CTXND1: variants seen among roughly 807,000 people sequenced by gnomAD.
CTXND1 encodes cortexin domain containing 1.
At position 80,198,812 on chromosome 15, in the gene CTXND1, A is replaced by G. The variant is rs2041433983; in HGVS notation, c.*2958T>C. On this transcript the variant is annotated 3_prime_UTR_variant, in exon 3 of 3. Transcript: ENST00000560778. ...CAGGGAAAATGGAAGAAATCCAAAT[A>G]TTTAATAATAGGAGTCTACATAATT... 6.6e-6 allele frequency: 1 copy of G among 152,242 alleles called. No individual in the cohort carries two copies. Among genetic ancestry groups the G allele is most frequent in the African/African-American group, 2.4e-5 (1 of 41,458 alleles). 9.4% of individuals were successfully genotyped at this position (152,242 alleles called of 1,614,324 possible).
intron 1 of CTXND1, among the ~76,000 whole-genome samples, chr15:80,214,049 T>C (rs1893228124): frequency 6.6e-6 from 1 of 152,016 alleles, no homozygotes; most frequent in African/African-American, 2.4e-5. Flanking sequence ...TAAAACAATA[T>C]AAACATTAAA....
chr15:80,205,801 C>T (rs58068642), intron 1 of CTXND1, among the ~76,000 whole-genome samples: 51,151 of 152,020 alleles, frequency 0.34, 8,926 homozygotes, highest in African/African-American at 0.44. Flanking sequence ...CTCTCATTCT[C>T]CCAGTTGACA....
chr15:80,247,381 T>C (rs559646794), intron 1 of CTXND1, among the ~76,000 whole-genome samples: 1 of 152,192 alleles, frequency 6.6e-6, no homozygotes, highest in Admixed American at 6.5e-5. Flanking sequence ...GTGTGAATAG[T>C]CAAAGGGTTA....
chr15:80,231,403 A>C (rs1035959873), intron 1 of CTXND1, among the ~76,000 whole-genome samples: 1 of 150,580 alleles, frequency 6.6e-6, no homozygotes, highest in African/African-American at 2.5e-5. Flanking sequence ...AAAAAAGAAA[A>C]GAAAAAAAAA....
intron 1 of CTXND1, among the ~76,000 whole-genome samples, chr15:80,213,410 G>A (rs1893221116): frequency 6.6e-6 from 1 of 152,132 alleles, no homozygotes; most frequent in African/African-American, 2.4e-5. Flanking sequence ...AAAGGACCGT[G>A]CAGATGTGAT....
chr15:80,217,239 A>G (rs1449546574), intron 1 of CTXND1, among the ~76,000 whole-genome samples: 1 of 152,158 alleles, frequency 6.6e-6, no homozygotes, highest in Non-Finnish European at 1.5e-5. Context: ...ATGTCTAGGA[A>G]ACTGACAAAA....
rs138333953 is a variant in CTXND1 at position 80,214,341 on chromosome 15, A to G, written c.-217-10601T>C. Reference sequence around the variant, plus strand: ...ATAATACAATTAATTAGCTGAATAAATGTTTTTATTACTGGGAGGGAATAG... The same window carrying G: ...ATAATACAATTAATTAGCTGAATAAGTGTTTTTATTACTGGGAGGGAATAG... On this transcript the variant is annotated intron_variant, in intron 1 of 2. Coordinates refer to ENST00000560778, the MANE Select transcript of CTXND1 (RefSeq NM_001352888.2). Among the ~76,000 whole-genome samples the G allele has an allele frequency of 5.0e-3, 763 of 152,320 alleles. 8 individuals are homozygous for G. The highest frequency in any genetic ancestry group is 0.018 in the African/African-American group (731 of 41,584).
Position 80,244,937 on chromosome 15 carries a change from C to G in CTXND1, c.-218+7070G>C, listed in dbSNP as rs567931857. The stretch of plus-strand genomic sequence containing the variant: ...TTGAGAGTTGGGCCTGGAGCTAGTC[C>G]TTGGGTTTTGAATCTCAGCCCAAAT... On this transcript the variant is annotated intron_variant, in intron 1 of 2. Transcript: ENST00000560778. Among the ~76,000 whole-genome samples, 4 of 152,266 alleles carry G rather than the reference C, an allele frequency of 2.6e-5. No homozygotes were observed. The East Asian group carries it at 7.7e-4, about 29-fold the overall frequency.
intron 1 of CTXND1, among the ~76,000 whole-genome samples, chr15:80,206,891 C>T (rs1442543180): frequency 6.6e-6 from 1 of 152,208 alleles, no homozygotes; most frequent in African/African-American, 2.4e-5. Context: ...AGGCTTCCCA[C>T]CAGTCCTTTG....
At chr15:80,202,867 C>T (rs1356995649) in intron 2 of CTXND1, among the ~76,000 whole-genome samples, 1 of 152,190 alleles carries the variant, frequency 6.6e-6, no homozygotes, top group Admixed American at 6.5e-5. Context: ...CCCAGCTCTG[C>T]CACCACCCTG....
Position 80,230,674 on chromosome 15 carries a change from G to A in CTXND1, c.-218+21333C>T, listed in dbSNP as rs182039381. ...TCTTCTTTTCTAACATATGCATTTGGAGCTATAAATGTTCCTTTAAGTAGT... is the reference window on the plus strand; with the variant it reads ...TCTTCTTTTCTAACATATGCATTTGAAGCTATAAATGTTCCTTTAAGTAGT... On this transcript the variant is annotated intron_variant, in intron 1 of 2. Coordinates refer to ENST00000560778, the MANE Select transcript of CTXND1 (RefSeq NM_001352888.2). Among the ~76,000 whole-genome samples, 235 of 152,008 alleles carry A rather than the reference G, an allele frequency of 1.5e-3. 1 individual carries two copies. Among genetic ancestry groups the A allele is most frequent in the African/African-American group, 5.3e-3 (219 of 41,436 alleles).
chr15:80,236,589 C>T (rs1413011636), intron 1 of CTXND1, among the ~76,000 whole-genome samples: 1 of 151,906 alleles, frequency 6.6e-6, no homozygotes, highest in Non-Finnish European at 1.5e-5. Flanking sequence ...TCGAGACCAG[C>T]CTGGGCAACA....
intron 1 of CTXND1, among the ~76,000 whole-genome samples, chr15:80,240,403 C>A (rs530081952): frequency 6.6e-6 from 1 of 152,172 alleles, no homozygotes; most frequent in Non-Finnish European, 1.5e-5. Flanking sequence ...TTCTGCCAGG[C>A]GTCCCAGATT....
At chr15:80,202,044 G>A in intron 2 of CTXND1, 30 bp from the exon 3 acceptor site, 1 of 398,036 alleles carries the variant, frequency 2.5e-6, no homozygotes, top group South Asian at 1.4e-4. Context: ...AGTGGGGAAG[G>A]AGGGGCATGG....
chr15:80,230,785 G>A (rs1376638434), intron 1 of CTXND1, among the ~76,000 whole-genome samples: 2 of 151,956 alleles, frequency 1.3e-5, no homozygotes, highest in South Asian at 2.1e-4. Flanking sequence ...GGCTGGGTGC[G>A]GTGGCTCATG....
chr15:80,210,533 C>T (rs971209603), intron 1 of CTXND1, among the ~76,000 whole-genome samples: 7 of 152,188 alleles, frequency 4.6e-5, no homozygotes, highest in African/African-American at 1.7e-4. Context: ...CCTTGTTCCC[C>T]TGGACCTGTA....
At chr15:80,223,214 T>C (rs1472921060) in intron 1 of CTXND1, among the ~76,000 whole-genome samples, 1 of 152,188 alleles carries the variant, frequency 6.6e-6, no homozygotes, top group East Asian at 1.9e-4. Context: ...TGCCACCATG[T>C]CCGGCTAATT....
intron 2 of CTXND1, among the ~76,000 whole-genome samples, chr15:80,202,240 G>T (rs1040944497): frequency 1.3e-5 from 2 of 151,978 alleles, no homozygotes; most frequent in Admixed American, 1.3e-4. Context: ...TGCAGCCAGT[G>T]CCTCCCCAGA....
intron 1 of CTXND1, among the ~76,000 whole-genome samples, chr15:80,251,708 G>A (rs1025812187): frequency 2.0e-5 from 3 of 152,118 alleles, no homozygotes; most frequent in African/African-American, 7.2e-5. Flanking sequence ...GTGGAACTCG[G>A]GCCGCTGCGA....
Sources: allele counts gnomAD v4.1 joint callset (sites outside exome capture counted in the v4.1 genomes callset), GRCh38; gene constraint gnomAD v4.1.1; transcripts MANE v1.5; gene names NCBI Gene and HGNC (gene_info 2026-07-23, HGNC 2026-07-21).